The following FXR2 variants were observed in gnomAD, a reference collection of about 807,000 sequenced individuals.
The protein encoded by FXR2 is RNA-binding protein FXR2.
A neutral mutation model predicts 87.3 loss-of-function variants in FXR2; 9 were observed. The observed-to-expected ratio is 0.10, with a 90% CI of 0.06 to 0.18. The LOEUF (loss-of-function observed/expected upper bound fraction) is 0.18. Ranked by LOEUF, FXR2 falls within the 10% of genes least tolerant of loss-of-function variation. FXR2 has a pLI of 1.00. For synonymous variants in FXR2, 331 were observed against 328.3 expected (o/e 1.01, Z -0.09); for missense variants, 661 against 893.6 (o/e 0.74, Z 3.32).
Position 7,592,051 on chromosome 17 carries a change from C to T in FXR2, c.1927-126G>A, listed in dbSNP as rs2150939427. ...GATCCAGAGGTTGGTTCCCTGATCT[C>T]ATGATCCAGTCTCTCTTACTTGGGA... On this transcript the variant is annotated intron_variant, in intron 16 of 16. Transcript: ENST00000250113. The surrounding 1 kb of genome is among the most constrained non-coding windows in gnomAD (Gnocchi z 4.8). 3 of 1,371,960 alleles carry T rather than the reference C, an allele frequency of 2.2e-6. No individual in the cohort carries two copies. Among genetic ancestry groups the T allele is most frequent in the South Asian group, 3.0e-5 (2 of 67,302 alleles). 85.0% of individuals were successfully genotyped at this position (1,371,960 alleles called of 1,614,324 possible). A position where few individuals can be genotyped will look rare whatever the true frequency, so the allele number is the denominator to read the frequency against.
intron 1 of FXR2, chr17:7,614,132 CG>C: frequency 1.7e-6 from 1 of 583,532 alleles, no homozygotes; most frequent in Non-Finnish European, 3.2e-6. Context: ...CACCAGACAA[CG>C]GACACAGTCA....
rs2071676566 is a variant in FXR2, at chr17:7,592,866, G to A, written c.1557C>T (p.Tyr519=). ...CTGGTTCAGACGTGTCCAATAGGCT[G>A]TAGGGATTACTGTCTGGATCCTTCA... ...SVLKDPDSNP[Y]SLLDTSEPEP... Residue 519 remains tyrosine, a synonymous_variant, in exon 14 of 17, where the codon TAC becomes TAT. Coordinates refer to ENST00000250113, the MANE Select transcript of FXR2 (RefSeq NM_004860.4). The surrounding 1 kb of genome is among the most constrained non-coding windows in gnomAD (Gnocchi z 4.8). 3 of 1,596,680 alleles carry A rather than the reference G, an allele frequency of 1.9e-6. No individual in the cohort carries two copies. Among genetic ancestry groups the A allele is most frequent in the Non-Finnish European group, 2.6e-6 (3 of 1,170,820 alleles).
rs749146796 is a variant in FXR2, at chr17:7,604,795, C to T, written c.229-715G>A. 3.4e-4 allele frequency among the ~76,000 whole-genome samples: 51 copies of T among 148,858 alleles called. 1 individual carries two copies. The highest frequency in any genetic ancestry group is 6.5e-4 in the Non-Finnish European group (44 of 67,308). On this transcript the variant is annotated intron_variant, in intron 3 of 16. Transcript: ENST00000250113. The stretch of plus-strand genomic sequence containing the variant: ...GGAGTGCAATGGCACAATCTCAGCT[C>T]ACTGCAACCTCCACTTCCTGGGTTC...
At chr17:7,613,373 T>A (rs1023871368) in intron 1 of FXR2, among the ~76,000 whole-genome samples, 2 of 149,958 alleles carry the variant, frequency 1.3e-5, no homozygotes, top group African/African-American at 2.5e-5. Context: ...AAAGAAAAAC[T>A]CTTGGGAGGC....
At chr17:7,606,013 T>C (rs2071800426) in intron 2 of FXR2, 84 bp downstream of exon 2, 4 of 878,732 alleles carry the variant, frequency 4.6e-6, no homozygotes, top group Non-Finnish European at 5.5e-6. Flanking sequence ...ACCTATTACA[T>C]GCCTCATAGG....
Position 7,594,834 on chromosome 17 carries a change from G to A in FXR2, c.832-77C>T, listed in dbSNP as rs2071694710. 2 of 888,604 alleles carry A rather than the reference G, an allele frequency of 2.3e-6. No homozygotes were observed. Among genetic ancestry groups the A allele is most frequent in the Non-Finnish European group, 1.9e-6 (1 of 522,326 alleles). The allele number at this position is 888,604 out of a possible 1,614,324, so 55.0% of individuals were successfully genotyped here. ...GTGGTGGCTCACGCCTGTAATCCCA[G>A]CACTTTGGGAGGCTGGAGGCAGGTG... On this transcript the variant is annotated intron_variant, in intron 8 of 16. Coordinates refer to ENST00000250113, the MANE Select transcript of FXR2 (RefSeq NM_004860.4). The surrounding 1 kb of genome is among the most constrained non-coding windows in gnomAD (Gnocchi z 5.1).
intron 7 of FXR2, among the ~76,000 whole-genome samples, chr17:7,599,321 A>G (rs2071734264): frequency 6.6e-6 from 1 of 152,108 alleles, no homozygotes; most frequent in Non-Finnish European, 1.5e-5. Context: ...AAACAAAAAC[A>G]AAAAATAAAG....
At chr17:7,608,442 AAATAAT>A (rs1555572103) in intron 1 of FXR2, among the ~76,000 whole-genome samples, 6 of 143,074 alleles carry the variant, frequency 4.2e-5, no homozygotes, top group Non-Finnish European at 6.0e-5. Context: ...AAAAAAAAAA[AAATAAT>A]AATAATAATA....
At chr17:7,610,820 A>G (rs1426471835) in intron 1 of FXR2, among the ~76,000 whole-genome samples, 1 of 152,198 alleles carries the variant, frequency 6.6e-6, no homozygotes, top group Non-Finnish European at 1.5e-5. Context: ...CAGTGGCCAT[A>G]GCATCACCTG....
chr17:7,598,837 C>T lies in FXR2; in HGVS notation c.660+2572G>A, dbSNP rs529056367. Among the ~76,000 whole-genome samples, 5 of 152,110 alleles carry T rather than the reference C, an allele frequency of 3.3e-5. No individual in the cohort carries two copies. In the East Asian group the frequency reaches 7.7e-4, roughly 24 times the overall value. On this transcript the variant is annotated intron_variant, in intron 7 of 16. Transcript: ENST00000250113. ...CAGCCTAGCCAACATGGTGAAACTC[C>T]GTCTCTACTAAAAATACTGAAATTA... is the stretch of plus-strand genomic sequence containing the variant.
At chr17:7,602,392 T>C (rs1044842762) in intron 6 of FXR2, among the ~76,000 whole-genome samples, 4 of 152,062 alleles carry the variant, frequency 2.6e-5, no homozygotes, top group African/African-American at 7.2e-5. Context: ...GGTGAAACCC[T>C]GTCTCTACTA....
Position 7,591,786 on chromosome 17 carries a change from G to T in FXR2, c.*44C>A. ...TGGGCCTGTGAGGGCCATGGTGTTGGGCAGCAAGCGAGATGGAGAAGGGAG... is the reference window on the plus strand; with the variant it reads ...TGGGCCTGTGAGGGCCATGGTGTTGTGCAGCAAGCGAGATGGAGAAGGGAG... On this transcript the variant is annotated 3_prime_UTR_variant, in exon 17 of 17. Coordinates refer to ENST00000250113, the MANE Select transcript of FXR2 (RefSeq NM_004860.4). This position sits in a 1 kb window ranked among gnomAD's most constrained non-coding sequence, Gnocchi z 4.0. The T allele has an allele frequency of 9.7e-7, 1 of 1,036,126 alleles. No individual in the cohort carries two copies. The highest frequency in any genetic ancestry group is 1.5e-6 in the Non-Finnish European group (1 of 655,326). 64.2% of individuals were successfully genotyped at this position (1,036,126 alleles called of 1,614,324 possible).
rs753115600 is a variant in FXR2 at position 7,594,662 on chromosome 17, A to G, written c.910+17T>C. 6 of 1,507,800 alleles carry G rather than the reference A, an allele frequency of 4.0e-6. No individual in the cohort carries two copies. The highest frequency in any genetic ancestry group is 2.3e-5 in the East Asian group (1 of 44,372). 93.4% of individuals were successfully genotyped at this position (1,507,800 alleles called of 1,614,324 possible). ...TTGATTCTGACCTCTAACTGTATAT[A>G]CACACCACCAACTCACCAACCAGGT... On this transcript the variant is annotated intron_variant, in intron 9 of 16. Coordinates refer to ENST00000250113, the MANE Select transcript of FXR2 (RefSeq NM_004860.4). This position sits in a 1 kb window ranked among gnomAD's most constrained non-coding sequence, Gnocchi z 5.1.
chr17:7,592,099 T>C lies in FXR2; in HGVS notation c.1926+155A>G. ...GGATCCAGAAAATGTGAACCACACT[T>C]TCTTCTCTATCCTATTCAAAGTTTA... On this transcript the variant is annotated intron_variant, in intron 16 of 16. Coordinates refer to ENST00000250113, the MANE Select transcript of FXR2 (RefSeq NM_004860.4). The surrounding 1 kb of genome is among the most constrained non-coding windows in gnomAD (Gnocchi z 4.8). 1 of 1,466,612 alleles carries C rather than the reference T, an allele frequency of 6.8e-7. No homozygotes were observed. The highest frequency in any genetic ancestry group is 9.0e-7 in the Non-Finnish European group (1 of 1,108,938). 90.8% of individuals were successfully genotyped at this position (1,466,612 alleles called of 1,614,324 possible).
chr17:7,604,161 G>A, intron 3 of FXR2, 81 bp from the exon 4 acceptor site: 2 of 1,055,350 alleles, frequency 1.9e-6, no homozygotes, highest in Non-Finnish European at 2.9e-6. Context: ...CGGGCATGGT[G>A]GGGCTCACAC....
At chr17:7,605,767 C>G in intron 2 of FXR2, 29 bp from the exon 3 acceptor site, 1 of 1,210,156 alleles carries the variant, frequency 8.3e-7, no homozygotes, top group South Asian at 1.3e-5. Flanking sequence ...TATGAAAAAG[C>G]TACTCTGACT....
Position 7,595,719 on chromosome 17 carries a change from A to T in FXR2, c.831+105T>A, listed in dbSNP as rs1167591901. The T allele has an allele frequency of 1.2e-6, 1 of 846,298 alleles. No homozygotes were observed. The highest frequency in any genetic ancestry group is 1.9e-6 in the Non-Finnish European group (1 of 532,404). 52.4% of individuals were successfully genotyped at this position (846,298 alleles called of 1,614,324 possible). On this transcript the variant is annotated intron_variant, in intron 8 of 16. Coordinates refer to ENST00000250113, the MANE Select transcript of FXR2 (RefSeq NM_004860.4). This position sits in a 1 kb window ranked among gnomAD's most constrained non-coding sequence, Gnocchi z 4.7. ...CACTTTGACCTCCGAAGGTGCTGGG[A>T]TTACAGGTGTGAGCCACTGTGCCCA...
At chr17:7,609,959 T>TATACATGTATATGTATAC (rs2071840884) in intron 1 of FXR2, among the ~76,000 whole-genome samples, 7 of 101,706 alleles carry the variant, frequency 6.9e-5, no homozygotes, top group Non-Finnish European at 1.5e-4. Context: ...TGTATACATA[T>TATACATGTATATGTATAC]ATATACATGT....
At chr17:7,600,095 AC>A (rs1391305963) in intron 7 of FXR2, among the ~76,000 whole-genome samples, 3 of 151,282 alleles carry the variant, frequency 2.0e-5, no homozygotes, top group Middle Eastern at 6.9e-3. Flanking sequence ...ACGGGGTTTC[AC>A]CCATGTTGGC....
Sources: gnomAD v4.1 joint callset for allele counts (sites outside exome capture counted in the v4.1 genomes callset) on GRCh38, gnomAD v4.1.1 for gene constraint, Gnocchi (gnomAD v3.1) non-coding constraint, MANE v1.5 for transcripts, NCBI Gene and HGNC (gene_info 2026-07-23, HGNC 2026-07-21) for gene names.